KRT80: variants seen among roughly 807,000 people sequenced by gnomAD.
KRT80 encodes the protein keratin 80, also known as keratin, type II cytoskeletal 80.
In KRT80, 36 loss-of-function variants were observed where a neutral mutation model predicts 51.5. That is an observed-to-expected ratio of 0.70 (90% CI 0.54 to 0.92). The LOEUF (loss-of-function observed/expected upper bound fraction) is 0.92, where lower values mean the gene tolerates loss of function less well. Among genes scored for constraint, KRT80 ranks in the 40% least tolerant of loss-of-function variants. KRT80 has a pLI of 0.00. For synonymous variants in KRT80, 235 were observed against 248.3 expected, an observed-to-expected ratio of 0.95 and a Z score of 0.50; for missense variants, 566 against 591.7, an observed-to-expected ratio of 0.96 and a Z score of 0.45.
chr12:52,191,931 CA>C lies in KRT80; in HGVS notation c.-30del, dbSNP rs1356563231. On this transcript the variant is annotated 5_prime_UTR_variant, in exon 1 of 9. Coordinates refer to ENST00000394815, the MANE Select transcript of KRT80 (RefSeq NM_182507.3). ...GCCCCCGGCCGGAAGCAGGAGGGCCCAGGGGGGTGAGCGAGTGAGCCTGGGG... is the reference window on the plus strand; with the variant it reads ...GCCCCCGGCCGGAAGCAGGAGGGCCCGGGGGGTGAGCGAGTGAGCCTGGGG... The C allele has an allele frequency of 6.2e-6, 9 of 1,442,372 alleles. No individual in the cohort carries two copies. The highest frequency in any genetic ancestry group is 8.2e-6 in the Non-Finnish European group (9 of 1,098,186). The allele number at this position is 1,442,372 out of a possible 1,614,324, so 89.3% of individuals were successfully genotyped here.
In KRT80 at chr12:52,177,648, T is replaced by C. The variant is rs879320257; in HGVS notation, c.666+2865A>G. Among the ~76,000 whole-genome samples the C allele has an allele frequency of 2.8e-3, 420 of 151,680 alleles. 2 individuals are homozygous for C. The Middle Eastern group carries it at 0.034, about 12-fold the overall frequency. ...AATGTATCTTGGCTGTGTGTGTGTG[T>C]GTGTGTGTGTGTGTGTGCATGTGTG... On this transcript the variant is annotated intron_variant, in intron 4 of 8. Coordinates refer to ENST00000394815, the MANE Select transcript of KRT80 (RefSeq NM_182507.3).
In KRT80 at chr12:52,173,082, G is replaced by A. The variant is rs775280763; in HGVS notation, c.913C>T (p.Arg305Cys). The change falls in exon 6 of 9, where the codon CGC becomes TGC. Residue 305 changes from arginine to cysteine, a missense_variant. By Grantham distance (180) the Arg-to-Cys change is radical. Coordinates refer to ENST00000394815, the MANE Select transcript of KRT80 (RefSeq NM_182507.3). ...SRSEIADLNV[R>C]IQKLRSQILS... is the part of the protein sequence containing the mutation. ...ATCTGGGACCGCAGCTTCTGGATGC[G>A]CACATTGAGATCCGCGATCTCGCTG... 4.3e-5 allele frequency: 70 copies of A among 1,613,174 alleles called. No homozygotes were observed. Among genetic ancestry groups the A allele is most frequent in the Non-Finnish European group, 5.4e-5 (64 of 1,179,488 alleles).
chr12:52,172,173 C>T, intron 7 of KRT80, 25 bp downstream of exon 7: 1 of 1,611,270 alleles, frequency 6.2e-7, no homozygotes, highest in Non-Finnish European at 8.5e-7. Context: ...CCCTGCAGCC[C>T]TTCCTCACCA....
intron 4 of KRT80, among the ~76,000 whole-genome samples, chr12:52,175,488 G>T (rs1941202323): frequency 6.6e-6 from 1 of 152,014 alleles, no homozygotes; most frequent in Non-Finnish European, 1.5e-5. Flanking sequence ...TTGTGCTGAG[G>T]CCTCTGGTTT....
At chr12:52,191,237 C>T (rs1941476212) in intron 1 of KRT80, among the ~76,000 whole-genome samples, 1 of 152,178 alleles carries the variant, frequency 6.6e-6, no homozygotes, top group African/African-American at 2.4e-5. Flanking sequence ...CCACTTGCCT[C>T]AGAGTAGGAC....
intron 4 of KRT80, among the ~76,000 whole-genome samples, chr12:52,174,419 C>CT (rs1244020748): frequency 1.3e-5 from 2 of 152,276 alleles, no homozygotes; most frequent in Non-Finnish European, 2.9e-5. Flanking sequence ...CTCCAGCACT[C>CT]TGACTTCAGG....
chr12:52,190,498 C>T (rs1941463825), intron 1 of KRT80, among the ~76,000 whole-genome samples: 1 of 152,232 alleles, frequency 6.6e-6, no homozygotes, highest in Non-Finnish European at 1.5e-5. Context: ...GAGCTCCCAC[C>T]TCATGGGGGA....
chr12:52,171,883 G>A (rs527974019), intron 7 of KRT80, among the ~76,000 whole-genome samples, 170 bp from the exon 8 acceptor site: 90 of 152,214 alleles, frequency 5.9e-4, no homozygotes, highest in Non-Finnish European at 1.1e-3. Context: ...TCCTTCCTGG[G>A]CCTCTGTCCC....
At chr12:52,171,612 C>T (rs1941104188) in intron 8 of KRT80, 46 bp downstream of exon 8, 6 of 1,602,824 alleles carry the variant, frequency 3.7e-6, no homozygotes, top group African/African-American at 1.3e-5. Context: ...ATCCCCTACA[C>T]CCTCACCCTC....
intron 4 of KRT80, among the ~76,000 whole-genome samples, chr12:52,175,716 C>T (rs1941207145): frequency 6.6e-6 from 1 of 152,062 alleles, no homozygotes. Flanking sequence ...GCCAGCTGCC[C>T]TTGGGTGTCT....
At chr12:52,172,925 G>A (rs770017365) in intron 6 of KRT80, 113 bp downstream of exon 6, 71 of 1,291,742 alleles carry the variant, frequency 5.5e-5, no homozygotes, top group Middle Eastern at 2.3e-4. Flanking sequence ...GCACAGAGGC[G>A]CTAAGCGACC....
chr12:52,185,914 G>C (rs997567538), intron 1 of KRT80, among the ~76,000 whole-genome samples: 13 of 151,902 alleles, frequency 8.6e-5, no homozygotes, highest in African/African-American at 3.1e-4. Flanking sequence ...GCCTGGGGCT[G>C]GGGCGGGAGA....
Position 52,191,871 on chromosome 12 carries a change from C to T in KRT80, c.32G>A (p.Ser11Asn). 1 of 1,515,632 alleles carries T rather than the reference C, an allele frequency of 6.6e-7. No homozygotes were observed. Among genetic ancestry groups the T allele is most frequent in the Non-Finnish European group, 8.9e-7 (1 of 1,127,776 alleles). 93.9% of individuals were successfully genotyped at this position (1,515,632 alleles called of 1,614,324 possible). MACRSCVVGFSSLSSCEVTPV... is the reference protein window; with the variant it reads MACRSCVVGFNSLSSCEVTPV... The stretch of plus-strand genomic sequence containing the variant: ...GGTCACCTCACAGCTGCTGAGGCTG[C>T]TGAAGCCAACCACGCAGGAGCGGCA... Residue 11 changes from serine to asparagine, a missense_variant, in exon 1 of 9, where the codon AGC (serine) becomes AAC (asparagine). By Grantham distance (46) the Ser-to-Asn change is conservative. Transcript: ENST00000394815.
At chr12:52,180,805 G>C (rs1487205599) in intron 3 of KRT80, 98 bp downstream of exon 3, 1 of 1,599,412 alleles carries the variant, frequency 6.3e-7, no homozygotes, top group South Asian at 1.1e-5. Flanking sequence ...AAGCCTCTGA[G>C]GGCTTTGATT....
At chr12:52,182,229 C>G (rs568535331) in intron 2 of KRT80, among the ~76,000 whole-genome samples, 1 of 152,154 alleles carries the variant, frequency 6.6e-6, no homozygotes, top group Non-Finnish European at 1.5e-5. Context: ...CTAGGCATCC[C>G]CAGAGAGAAC....
At chr12:52,176,727 C>A (rs529126795) in intron 4 of KRT80, among the ~76,000 whole-genome samples, 2 of 152,212 alleles carry the variant, frequency 1.3e-5, no homozygotes, top group African/African-American at 4.8e-5. Flanking sequence ...GTTATCCGCC[C>A]GCTTCGGCCT....
chr12:52,174,968 C>T (rs145666406), intron 4 of KRT80, among the ~76,000 whole-genome samples: 17 of 152,168 alleles, frequency 1.1e-4, no homozygotes, highest in East Asian at 1.9e-4. Context: ...AGAATTGCAC[C>T]GAGTGAGTTG....
At chr12:52,181,394 C>T (rs1941318608) in intron 2 of KRT80, among the ~76,000 whole-genome samples, 1 of 152,202 alleles carries the variant, frequency 6.6e-6, no homozygotes, top group South Asian at 2.1e-4. Context: ...TCCATGCCTT[C>T]CCTGCAGCCC....
chr12:52,178,416 GCTCCC>G lies in KRT80; in HGVS notation c.666+2092_666+2096del, dbSNP rs143456807. 2.5e-3 allele frequency among the ~76,000 whole-genome samples: 382 copies of G among 152,270 alleles called. 4 individuals are homozygous for G. Among genetic ancestry groups the G allele is most frequent in the African/African-American group, 8.7e-3 (361 of 41,548 alleles). ...TTCTTTCTTTTTCTTTAATCGCCAGGCTCCCCTCCTGCCTTAGGGGCTTTGCATAG... is the reference window on the plus strand; with the variant it reads ...TTCTTTCTTTTTCTTTAATCGCCAGGCTCCTGCCTTAGGGGCTTTGCATAG... On this transcript the variant is annotated intron_variant, in intron 4 of 8. Coordinates refer to ENST00000394815, the MANE Select transcript of KRT80 (RefSeq NM_182507.3).
Sources: gnomAD v4.1 joint callset for allele counts (sites outside exome capture counted in the v4.1 genomes callset) on GRCh38, gnomAD v4.1.1 for gene constraint, MANE v1.5 for transcripts, NCBI Gene and HGNC (gene_info 2026-07-23, HGNC 2026-07-21) for gene names.